The following PRKCZ variants were observed in gnomAD, a reference collection of about 807,000 sequenced individuals.
PRKCZ encodes the protein protein kinase C zeta type.
Under a neutral mutation model 79.5 loss-of-function variants are expected in PRKCZ, and 33 were observed. The observed-to-expected ratio is 0.41, with a 90% confidence interval of 0.31 to 0.55. PRKCZ has a LOEUF of 0.55. PRKCZ is among the 20% of genes least tolerant of loss of function. PRKCZ has a pLI of 0.19. For missense variants in PRKCZ, 578 were observed against 813.5 expected (o/e 0.71, Z 3.52); for synonymous variants, 342 against 320.9 (o/e 1.07, Z -0.70).
intron 4 of PRKCZ, among the ~76,000 whole-genome samples, chr1:2,060,744 A>AGAT (rs1253222041): frequency 1.3e-5 from 2 of 151,834 alleles, no homozygotes; most frequent in Non-Finnish European, 2.9e-5. Context: ...CGGCAGGAGG[A>AGAT]GATGGGGTAT....
chr1:2,091,552 G>T (rs527650303), intron 4 of PRKCZ, among the ~76,000 whole-genome samples: 1 of 151,928 alleles, frequency 6.6e-6, no homozygotes, highest in Non-Finnish European at 1.5e-5. Flanking sequence ...GTTCCTGGCC[G>T]TCCTCTTGGG....
chr1:2,087,212 A>G (rs1323646771), intron 4 of PRKCZ, among the ~76,000 whole-genome samples: 2 of 151,938 alleles, frequency 1.3e-5, no homozygotes, highest in African/African-American at 2.4e-5. Context: ...CCTCCTGAGT[A>G]GCTGGGATTA....
chr1:2,123,786 C>T (rs373368344), intron 4 of PRKCZ, among the ~76,000 whole-genome samples: 3 of 2,386 alleles, frequency 1.3e-3, no homozygotes, highest in African/African-American at 1.6e-3. Context: ...AGGGTCGTGG[C>T]GGTGGTTAGG....
At chr1:2,079,175 C>G (rs989217945) in intron 4 of PRKCZ, among the ~76,000 whole-genome samples, 4 of 152,240 alleles carry the variant, frequency 2.6e-5, no homozygotes, top group African/African-American at 7.2e-5. Flanking sequence ...GTGCCCTGCC[C>G]TTGTGTCAAA....
rs980303654 is a variant in PRKCZ at position 2,082,039 on chromosome 1, A to G, written c.334+22448A>G. Among the ~76,000 whole-genome samples, 3 of 152,230 alleles carry G rather than the reference A, an allele frequency of 2.0e-5. No individual in the cohort carries two copies. The highest frequency in any genetic ancestry group is 7.2e-5 in the African/African-American group (3 of 41,448). On this transcript the variant is annotated intron_variant, in intron 4 of 17. Coordinates refer to ENST00000378567, the MANE Select transcript of PRKCZ (RefSeq NM_002744.6). This position sits in a 1 kb window ranked among gnomAD's most constrained non-coding sequence, Gnocchi z 4.4. ...ATTTGTTCATATTAAAGCAGGCTTGATCCGGGCTGCCGTGGTTCCGATCGA... is the reference window on the plus strand; with the variant it reads ...ATTTGTTCATATTAAAGCAGGCTTGGTCCGGGCTGCCGTGGTTCCGATCGA...
chr1:2,062,032 G>T (rs1003454001), intron 4 of PRKCZ, among the ~76,000 whole-genome samples: 3 of 152,214 alleles, frequency 2.0e-5, no homozygotes, highest in African/African-American at 7.2e-5. Flanking sequence ...AGAGGCAGAC[G>T]AGGGCAGGAC....
chr1:2,117,228 A>G (rs116203618), intron 4 of PRKCZ, among the ~76,000 whole-genome samples: 1,861 of 152,222 alleles, frequency 0.012, 46 homozygotes, highest in African/African-American at 0.042. Flanking sequence ...GGGATTACAG[A>G]TGCAAGCCAC....
At position 2,149,400 on chromosome 1, in the gene PRKCZ, A is replaced by G. The variant is rs1679378691; in HGVS notation, c.687+476A>G. Among the ~76,000 whole-genome samples the G allele has an allele frequency of 6.6e-6, 1 of 152,194 alleles. No individual in the cohort carries two copies. The highest frequency in any genetic ancestry group is 1.5e-5 in the Non-Finnish European group (1 of 68,030). On this transcript the variant is annotated intron_variant, in intron 8 of 17. Coordinates refer to ENST00000378567, the MANE Select transcript of PRKCZ (RefSeq NM_002744.6). The surrounding 1 kb of genome is among the most constrained non-coding windows in gnomAD (Gnocchi z 4.1). The stretch of plus-strand genomic sequence containing the variant: ...CCAGCTCTGCACCATAAACCCTGAG[A>G]AGGGAACAGAAGAGCTTGCTGCGTT...
Position 2,185,138 on chromosome 1 carries a change from C to T in PRKCZ, c.*129C>T. On this transcript the variant is annotated 3_prime_UTR_variant, in exon 18 of 18. Coordinates refer to ENST00000378567, the MANE Select transcript of PRKCZ (RefSeq NM_002744.6). ...GGGACAGACGCTTGCGCCGAGACCG[C>T]AGAGGGAAGCGTCAGCGGGCGCTGC... is the stretch of plus-strand genomic sequence containing the variant. 3.3e-6 allele frequency: 3 copies of T among 905,862 alleles called. No individual in the cohort carries two copies. In the South Asian group the frequency reaches 4.6e-5, roughly 14 times the overall value. The allele number at this position is 905,862 out of a possible 1,614,324, so 56.1% of individuals were successfully genotyped here. A position where few individuals can be genotyped will look rare whatever the true frequency, so the allele number is the denominator to read the frequency against.
rs1028618004 is a variant in PRKCZ, at chr1:2,185,218, A to G, written c.*209A>G. The stretch of plus-strand genomic sequence containing the variant: ...CCCGGGCAGGCCAGCTTCGTGCTGG[A>G]GGAACTTGCTGCTGTGCCTGCGTCG... On this transcript the variant is annotated 3_prime_UTR_variant, in exon 18 of 18. Transcript: ENST00000378567. The G allele has an allele frequency of 1.7e-5, 12 of 707,150 alleles. No individual in the cohort carries two copies. The highest frequency in any genetic ancestry group is 3.1e-5 in the Non-Finnish European group (12 of 382,908). 43.8% of individuals were successfully genotyped at this position (707,150 alleles called of 1,614,324 possible).
At chr1:2,138,255 G>A (rs1318247395) in intron 5 of PRKCZ, among the ~76,000 whole-genome samples, 1 of 152,236 alleles carries the variant, frequency 6.6e-6, no homozygotes, top group African/African-American at 2.4e-5. Context: ...GGATGAAAGA[G>A]TGGGCATCCG....
intron 8 of PRKCZ, 86 bp from the exon 9 acceptor site, chr1:2,150,704 G>C: frequency 7.3e-7 from 1 of 1,376,860 alleles, no homozygotes; most frequent in Admixed American, 2.1e-5. Flanking sequence ...GCAGGTCTCT[G>C]TTGGGACCGC....
chr1:2,161,613 G>A lies in PRKCZ; in HGVS notation c.974+5521G>A, dbSNP rs550117107. On this transcript the variant is annotated intron_variant, in intron 10 of 17. Coordinates refer to ENST00000378567, the MANE Select transcript of PRKCZ (RefSeq NM_002744.6). ...GGATGCGTTGTCTGTAGTTCTAATC[G>A]GGAGGCACTGGCCGCTCTTAGAACA... is the stretch of plus-strand genomic sequence containing the variant. Among the ~76,000 whole-genome samples, 7 of 152,318 alleles carry A rather than the reference G, an allele frequency of 4.6e-5. No individual in the cohort carries two copies. In the South Asian group the frequency reaches 8.3e-4, roughly 18 times the overall value.
At chr1:2,132,483 C>A (rs1055090844) in intron 4 of PRKCZ, among the ~76,000 whole-genome samples, 2 of 152,146 alleles carry the variant, frequency 1.3e-5, no homozygotes, top group Non-Finnish European at 2.9e-5. Context: ...ACTCCTGGGC[C>A]TCGAAGGTGT....
At chr1:2,151,200 A>G (rs1404055326) in intron 9 of PRKCZ, among the ~76,000 whole-genome samples, 1 of 152,274 alleles carries the variant, frequency 6.6e-6, no homozygotes, top group African/African-American at 2.4e-5. Flanking sequence ...TGTGCACTCC[A>G]CAAACCCAAA....
intron 4 of PRKCZ, among the ~76,000 whole-genome samples, chr1:2,080,256 G>A (rs142543985): frequency 6.8e-6 from 1 of 146,950 alleles, no homozygotes; most frequent in African/African-American, 2.7e-5. Context: ...GGAAACCATC[G>A]TGATGACGCT....
chr1:2,096,030 G>A (rs1020008934), intron 4 of PRKCZ, among the ~76,000 whole-genome samples: 6 of 151,074 alleles, frequency 4.0e-5, no homozygotes, highest in South Asian at 2.1e-4. Context: ...TGTGGGGGCC[G>A]GGCCTGTCTG....
intron 4 of PRKCZ, chr1:2,073,971 G>C (rs940412793): frequency 1.4e-6 from 2 of 1,387,008 alleles, no homozygotes. Flanking sequence ...CCGCGCCCCC[G>C]GGGCCGGGCC....
At chr1:2,101,747 A>G (rs190960505) in intron 4 of PRKCZ, among the ~76,000 whole-genome samples, 1 of 152,278 alleles carries the variant, frequency 6.6e-6, no homozygotes, top group African/African-American at 2.4e-5. Flanking sequence ...CTTAGCAGGT[A>G]CTTAGCAGCA....
Sources: gnomAD v4.1 joint callset for allele counts (sites outside exome capture counted in the v4.1 genomes callset) on GRCh38, gnomAD v4.1.1 for gene constraint, Gnocchi (gnomAD v3.1) non-coding constraint, MANE v1.5 for transcripts, NCBI Gene and HGNC (gene_info 2026-07-23, HGNC 2026-07-21) for gene names.